CRISP3: variants seen among roughly 807,000 people sequenced by gnomAD.
CRISP3 encodes the protein cysteine rich secretory protein 3, also known as cysteine-rich secretory protein 3.
CRISP3 carries 33 observed loss-of-function variants against 36.1 expected under a neutral mutation model. The ratio of observed to expected loss-of-function variants is 0.91; its 90% CI spans 0.69 to 1.22. The LOEUF (loss-of-function observed/expected upper bound fraction) is 1.22, where lower values mean the gene tolerates loss of function less well. Among genes scored for constraint, CRISP3 ranks in the 50% most tolerant of loss-of-function variants. The pLI is 0.00. For missense variants in CRISP3, 330 were observed against 301.2 expected (o/e 1.10, Z -0.71); for synonymous variants, 117 against 104.6 (o/e 1.12, Z -0.72).
At chr6:49,737,215 T>C in intron 2 of CRISP3, 110 bp downstream of exon 2, 2 of 792,916 alleles carry the variant, frequency 2.5e-6, no homozygotes, top group Non-Finnish European at 2.1e-6. Context: ...ATGAGTACTT[T>C]ATGATGTACC....
intron 1 of CRISP3, among the ~76,000 whole-genome samples, chr6:49,738,130 C>G (rs1023983989): frequency 6.6e-6 from 1 of 152,146 alleles, no homozygotes; most frequent in African/African-American, 2.4e-5. Context: ...TAAGGGATTA[C>G]TCACCCTATC....
intron 6 of CRISP3, among the ~76,000 whole-genome samples, chr6:49,732,786 C>G (rs1033531440): frequency 3.9e-5 from 6 of 152,126 alleles, no homozygotes; most frequent in African/African-American, 1.4e-4. Flanking sequence ...ACTGATATTG[C>G]TAAAATGGGT....
chr6:49,740,347 T>A (rs1043733891), intron 1 of CRISP3, among the ~76,000 whole-genome samples: 3 of 152,220 alleles, frequency 2.0e-5, no homozygotes, highest in Non-Finnish European at 4.4e-5. Flanking sequence ...CAAATTTGCT[T>A]AGTGCTAAGA....
Position 49,728,789 on chromosome 6 carries a change from G to A in CRISP3, c.718C>T (p.His240Tyr). 6.2e-7 allele frequency: 1 copy of A among 1,612,572 alleles called. No homozygotes were observed. Among genetic ancestry groups the A allele is most frequent in the South Asian group, 1.1e-5 (1 of 90,740 alleles). The change falls in exon 8 of 8, where the codon CAT becomes TAT. Residue 240 changes from histidine to tyrosine, a missense_variant. Transcript: ENST00000263045. ...TTGCAACTGTCCCTGACCAACTGATGTTTACAGGTTAATGTGAGCTTCAAA... is the reference window on the plus strand; with the variant it reads ...TTGCAACTGTCCCTGACCAACTGATATTTACAGGTTAATGTGAGCTTCAAA... ...KSLKLTLTCK[H>Y]QLVRDSCKAS...
chr6:49,733,612 C>G (rs775128075), intron 5 of CRISP3, 91 bp downstream of exon 5: 138 of 1,356,642 alleles, frequency 1.0e-4, no homozygotes, highest in Non-Finnish European at 1.3e-4. Context: ...GAAATTTTCC[C>G]CAAATTCAAC....
chr6:49,728,769 A>G lies in CRISP3; in HGVS notation c.738T>C (p.Ser246=), dbSNP rs780181657. ...TTGAACAATTGCAGGAGGCCTTGCA[A>G]CTGTCCCTGACCAACTGATGTTTAC... is the stretch of plus-strand genomic sequence containing the variant. The part of the protein sequence containing the change: ...LTCKHQLVRD[S]CKASCNCSNS... Residue 246 remains serine (S), a synonymous_variant, in exon 8 of 8, where the codon AGT becomes AGC. Coordinates refer to ENST00000263045, the MANE Select transcript of CRISP3 (RefSeq NM_006061.4). The G allele has an allele frequency of 2.5e-6, 4 of 1,612,166 alleles. No individual in the cohort carries two copies. The highest frequency in any genetic ancestry group is 3.4e-6 in the Non-Finnish European group (4 of 1,179,004).
rs971038020 is a variant in CRISP3 at position 49,727,893 on chromosome 6, C to T, written c.*837G>A. ...GTTAATTTTGATCACTTGGTGAAGACGTCATTTGTCATTTTTCTCCCCTGT... is the reference window on the plus strand; with the variant it reads ...GTTAATTTTGATCACTTGGTGAAGATGTCATTTGTCATTTTTCTCCCCTGT... On this transcript the variant is annotated 3_prime_UTR_variant, in exon 8 of 8. Coordinates refer to ENST00000263045, the MANE Select transcript of CRISP3 (RefSeq NM_006061.4). 13 of 152,162 alleles carry T rather than the reference C, an allele frequency of 8.5e-5. No individual in the cohort carries two copies. The highest frequency in any genetic ancestry group is 1.3e-4 in the Admixed American group (2 of 15,282). The allele number at this position is 152,162 out of a possible 1,614,324, so 9.4% of individuals were successfully genotyped here. A position where few individuals can be genotyped will look rare whatever the true frequency, so the allele number is the denominator to read the frequency against.
chr6:49,729,000 C>T (rs2127449675), intron 7 of CRISP3, 143 bp from the exon 8 acceptor site: 1 of 639,772 alleles, frequency 1.6e-6, no homozygotes, highest in Non-Finnish European at 2.5e-6. Flanking sequence ...CATTTTATAT[C>T]TTGAGGGACA....
At position 49,739,189 on chromosome 6, in the gene CRISP3, C is replaced by T. The variant is rs186639968; in HGVS notation, c.38-1791G>A. Among the ~76,000 whole-genome samples the T allele has an allele frequency of 1.1e-3, 166 of 152,266 alleles. 1 individual carries two copies. Among genetic ancestry groups the T allele is most frequent in the Middle Eastern group, 6.8e-3 (2 of 294 alleles). On this transcript the variant is annotated intron_variant, in intron 1 of 7. Coordinates refer to ENST00000263045, the MANE Select transcript of CRISP3 (RefSeq NM_006061.4). ...AGTGTGCTGTATTTAGAGATGGGCCCTCTAGTGCGTCTCCTGCAGAATTTG... is the reference window on the plus strand; with the variant it reads ...AGTGTGCTGTATTTAGAGATGGGCCTTCTAGTGCGTCTCCTGCAGAATTTG...
At chr6:49,735,721 T>C in intron 3 of CRISP3, 130 bp from the exon 4 acceptor site, 1 of 587,408 alleles carries the variant, frequency 1.7e-6, no homozygotes, top group Non-Finnish European at 2.9e-6. Context: ...CTGATTTTTA[T>C]AGTAATCAAA....
In CRISP3 at chr6:49,731,218, A is replaced by G. The variant is rs772959821; in HGVS notation, c.594T>C (p.Tyr198=). ...GNWANRLYVP[Y]EQGAPCASCP... Reference sequence around the variant, plus strand: ...AACTGGCACAAGGTGCTCCTTGTTCATAAGGGACATATAGTCTATTAGCCC... The same window carrying G: ...AACTGGCACAAGGTGCTCCTTGTTCGTAAGGGACATATAGTCTATTAGCCC... The change falls in exon 7 of 8, where the codon TAT becomes TAC. Residue 198 remains tyrosine, a synonymous_variant. Coordinates refer to ENST00000263045, the MANE Select transcript of CRISP3 (RefSeq NM_006061.4). 1.2e-6 allele frequency: 2 copies of G among 1,611,528 alleles called. No individual in the cohort carries two copies. The highest frequency in any genetic ancestry group is 3.3e-5 in the Admixed American group (2 of 59,740).
chr6:49,731,875 T>C (rs1768925796), intron 6 of CRISP3, among the ~76,000 whole-genome samples: 2 of 152,098 alleles, frequency 1.3e-5, no homozygotes, highest in Admixed American at 1.3e-4. Context: ...GATGTTTATG[T>C]TTGCCAAGAA....
chr6:49,744,352 G>A lies in CRISP3; in HGVS notation c.16C>T (p.His6Tyr). 6.5e-7 allele frequency: 1 copy of A among 1,533,232 alleles called. No individual in the cohort carries two copies. Among genetic ancestry groups the A allele is most frequent in the Non-Finnish European group, 8.7e-7 (1 of 1,144,986 alleles). The allele number at this position is 1,533,232 out of a possible 1,614,324, so 95.0% of individuals were successfully genotyped here. A position where few individuals can be genotyped will look rare whatever the true frequency, so the allele number is the denominator to read the frequency against. ...TTACCAGTGGTTTCCAGAGCAGGAT[G>A]AAGTATTTGTTTCATCTATTGACAG... MKQIL[H>Y]PALETTAMTL... Residue 6 changes from histidine (H) to tyrosine (Y), a missense_variant, in exon 1 of 8, where the codon CAT becomes TAT. Transcript: ENST00000263045.
chr6:49,735,597 A>C lies in CRISP3; in HGVS notation c.229-6T>G. On this transcript the variant is annotated splice_polypyrimidine_tract_variant and splice_region_variant and intron_variant, in intron 3 of 7. Coordinates refer to ENST00000263045, the MANE Select transcript of CRISP3 (RefSeq NM_006061.4). ...GCAGCCTCTTTGTTCCATTCCTGAAACAAGGACAGAAAAAAGATATCCACT... is the reference window on the plus strand; with the variant it reads ...GCAGCCTCTTTGTTCCATTCCTGAACCAAGGACAGAAAAAAGATATCCACT... The C allele has an allele frequency of 6.2e-7, 1 of 1,609,568 alleles. No homozygotes were observed. Among genetic ancestry groups the C allele is most frequent in the Non-Finnish European group, 8.5e-7 (1 of 1,177,228 alleles).
intron 1 of CRISP3, among the ~76,000 whole-genome samples, chr6:49,741,641 A>G (rs1360791133): frequency 6.8e-6 from 1 of 146,888 alleles, no homozygotes; most frequent in Non-Finnish European, 1.5e-5. Flanking sequence ...TTTTAAAGAA[A>G]AAATAGAAGA....
At chr6:49,731,030 A>C in intron 7 of CRISP3, 133 bp downstream of exon 7, 2 of 602,368 alleles carry the variant, frequency 3.3e-6, no homozygotes, top group South Asian at 5.1e-5. Context: ...CGACAGAGCC[A>C]GACAGACTTT....
intron 1 of CRISP3, among the ~76,000 whole-genome samples, chr6:49,743,436 T>A (rs1769256964): frequency 6.6e-6 from 1 of 152,170 alleles, no homozygotes; most frequent in Admixed American, 6.6e-5. Context: ...CAGGCAGACA[T>A]TCTAGATTTG....
At chr6:49,730,501 C>A (rs1768889010) in intron 7 of CRISP3, among the ~76,000 whole-genome samples, 1 of 152,074 alleles carries the variant, frequency 6.6e-6, no homozygotes, top group Non-Finnish European at 1.5e-5. Context: ...ATTCTATGGT[C>A]TCATACTCTT....
At chr6:49,730,077 GA>G (rs200411189) in intron 7 of CRISP3, among the ~76,000 whole-genome samples, 7 of 151,732 alleles carry the variant, frequency 4.6e-5, no homozygotes, top group Non-Finnish European at 5.9e-5. Flanking sequence ...AATTCAGTCA[GA>G]AAAAAAATGT....
Sources: allele counts gnomAD v4.1 joint callset (sites outside exome capture counted in the v4.1 genomes callset), GRCh38; gene constraint gnomAD v4.1.1; transcripts MANE v1.5; gene names NCBI Gene and HGNC (gene_info 2026-07-23, HGNC 2026-07-21).